The following CABIN1 variants were observed in gnomAD, a reference collection of about 807,000 sequenced individuals.
CABIN1 encodes the protein calcineurin-binding protein cabin-1.
CABIN1 carries 133 observed loss-of-function variants against 227.7 expected under a neutral mutation model. The ratio of observed to expected loss-of-function variants is 0.58; its 90% CI spans 0.51 to 0.67. The LOEUF (loss-of-function observed/expected upper bound fraction) is 0.67. Among genes scored for constraint, CABIN1 ranks in the 30% least tolerant of loss-of-function variants. The pLI, the probability that CABIN1 is intolerant of heterozygous loss-of-function variation, is 0.00. For missense variants in CABIN1, 2,408 were observed against 2,852.5 expected, an observed-to-expected ratio of 0.84 and a Z score of 3.55; for synonymous variants, 1,086 against 1,155.1, an observed-to-expected ratio of 0.94 and a Z score of 1.21.
intron 25 of CABIN1, among the ~76,000 whole-genome samples, chr22:24,097,545 A>G (rs1458520550): frequency 1.3e-5 from 2 of 152,204 alleles, no homozygotes; most frequent in Admixed American, 6.5e-5. Context: ...AACCACTCCA[A>G]TGGACATTTA....
chr22:24,055,694 T>G (rs1397204152), intron 9 of CABIN1, among the ~76,000 whole-genome samples: 1 of 152,264 alleles, frequency 6.6e-6, no homozygotes, highest in African/African-American at 2.4e-5. Flanking sequence ...AAAAAGAATA[T>G]CTGGCAGATA....
At chr22:24,078,357 A>G (rs758558289) in intron 19 of CABIN1, among the ~76,000 whole-genome samples, 1 of 152,210 alleles carries the variant, frequency 6.6e-6, no homozygotes, top group African/African-American at 2.4e-5. Context: ...TTCCCCAGAA[A>G]TGCTTGCTGA....
At chr22:24,134,207 G>A in intron 28 of CABIN1, 95 bp from the exon 29 acceptor site, 1 of 808,546 alleles carries the variant, frequency 1.2e-6, no homozygotes, top group Non-Finnish European at 2.1e-6. Flanking sequence ...ATCGTGGTTT[G>A]CCATGCAGCC....
At chr22:24,056,595 T>C (rs142228281) in intron 10 of CABIN1, 4 of 559,928 alleles carry the variant, frequency 7.1e-6, no homozygotes, top group Non-Finnish European at 1.3e-5. Flanking sequence ...GTTCATCTTT[T>C]GAGAGCTAGA....
intron 29 of CABIN1, among the ~76,000 whole-genome samples, chr22:24,147,527 A>G (rs973728821): frequency 6.7e-6 from 1 of 150,276 alleles, no homozygotes; most frequent in Admixed American, 6.6e-5. Context: ...ACAGCTCACT[A>G]AATCTCGACC....
In CABIN1 at chr22:24,054,286, A is replaced by G. The variant is rs563451016; in HGVS notation, c.807-587A>G. Among the ~76,000 whole-genome samples the G allele has an allele frequency of 5.3e-5, 8 of 152,292 alleles. 1 individual carries two copies. In the South Asian group the frequency reaches 1.7e-3, roughly 32 times the overall value. The stretch of plus-strand genomic sequence containing the variant: ...AACACGGAATGTGAAATACAAAACA[A>G]TAGACAGCACACAATATAACACACC... On this transcript the variant is annotated intron_variant, in intron 8 of 36. Transcript: ENST00000263119.
intron 9 of CABIN1, 109 bp from the exon 10 acceptor site, chr22:24,056,080 CAAA>C: frequency 1.1e-6 from 1 of 932,542 alleles, no homozygotes; most frequent in Non-Finnish European, 1.7e-6. Flanking sequence ...TTTTGAATGT[CAAA>C]GAGTTTAATG....
chr22:24,151,642 C>T (rs1264522019), intron 29 of CABIN1, among the ~76,000 whole-genome samples: 1 of 152,120 alleles, frequency 6.6e-6, no homozygotes, highest in Non-Finnish European at 1.5e-5. Context: ...CAGGGAGGCT[C>T]TTGATTCCAT....
In CABIN1 at chr22:24,070,788, T is replaced by C. The variant is rs1220093763; in HGVS notation, c.2233-12T>C. On this transcript the variant is annotated splice_polypyrimidine_tract_variant and intron_variant, in intron 16 of 36. Coordinates refer to ENST00000263119, the MANE Select transcript of CABIN1 (RefSeq NM_012295.4). ...CTCACCGTGCACTTCACCTGGCTTC[T>C]TGCTGTACTAGGACTCCTTGCTCCG... 1.2e-6 allele frequency: 2 copies of C among 1,614,136 alleles called. No individual in the cohort carries two copies. The highest frequency in any genetic ancestry group is 1.7e-6 in the Non-Finnish European group (2 of 1,180,014).
At chr22:24,060,237 G>A in intron 12 of CABIN1, 96 bp downstream of exon 12, 2 of 1,205,130 alleles carry the variant, frequency 1.7e-6, no homozygotes, top group Non-Finnish European at 2.4e-6. Flanking sequence ...GTGTTTGGCT[G>A]CATCTACTTG....
chr22:24,038,548 C>T, intron 4 of CABIN1, 87 bp downstream of exon 4: 1 of 918,336 alleles, frequency 1.1e-6, no homozygotes, highest in East Asian at 2.4e-5. Context: ...CCTCTGCTCT[C>T]CCATTTCTTG....
At chr22:24,139,753 C>A (rs922986210) in intron 29 of CABIN1, among the ~76,000 whole-genome samples, 1 of 152,172 alleles carries the variant, frequency 6.6e-6, no homozygotes, top group Admixed American at 6.5e-5. Flanking sequence ...GTTTGTGCGT[C>A]TTTGTGCTGT....
chr22:24,175,148 G>C (rs1392181117), intron 34 of CABIN1, among the ~76,000 whole-genome samples: 1 of 152,246 alleles, frequency 6.6e-6, no homozygotes, highest in Non-Finnish European at 1.5e-5. Flanking sequence ...CCTTTTGCCA[G>C]GATGGAACTG....
chr22:24,086,789 G>C (rs542796427), intron 22 of CABIN1, among the ~76,000 whole-genome samples: 1 of 152,078 alleles, frequency 6.6e-6, no homozygotes, highest in Non-Finnish European at 1.5e-5. Context: ...GTTTCTTTCG[G>C]GTGGTCTCAG....
chr22:24,083,096 C>A, intron 19 of CABIN1, 132 bp from the exon 20 acceptor site: 1 of 868,012 alleles, frequency 1.2e-6, no homozygotes, highest in Non-Finnish European at 1.9e-6. Context: ...TCAAGTCATG[C>A]AGGAGCCCAA....
intron 6 of CABIN1, among the ~76,000 whole-genome samples, chr22:24,043,389 T>C (rs11705204): frequency 1.3e-5 from 2 of 149,412 alleles, no homozygotes; most frequent in South Asian, 4.3e-4. Context: ...CCCTGCACTG[T>C]CCCATTTTGT....
intron 16 of CABIN1, among the ~76,000 whole-genome samples, chr22:24,069,836 T>G (rs954192032): frequency 6.6e-6 from 1 of 152,194 alleles, no homozygotes; most frequent in Non-Finnish European, 1.5e-5. Flanking sequence ...CCACACCTGT[T>G]GGTCTCACCT....
intron 8 of CABIN1, among the ~76,000 whole-genome samples, chr22:24,052,470 C>T (rs1452993488): frequency 6.8e-6 from 1 of 146,590 alleles, no homozygotes; most frequent in Admixed American, 6.8e-5. Flanking sequence ...CTTTTTCTTT[C>T]TTTTTTTTTT....
At chr22:24,031,661 C>G (rs760029301) in intron 1 of CABIN1, among the ~76,000 whole-genome samples, 7 of 152,130 alleles carry the variant, frequency 4.6e-5, no homozygotes, top group Non-Finnish European at 1.5e-5. Flanking sequence ...GAGGTGTTTT[C>G]GGATTCAGTG....
Sources: gnomAD v4.1 joint callset for allele counts (sites outside exome capture counted in the v4.1 genomes callset) on GRCh38, gnomAD v4.1.1 for gene constraint, MANE v1.5 for transcripts, NCBI Gene and HGNC (gene_info 2026-07-23, HGNC 2026-07-21) for gene names.